NOL9: variants seen among roughly 807,000 people sequenced by gnomAD.
NOL9 encodes nucleolar protein 9.
A neutral mutation model predicts 67.9 loss-of-function variants in NOL9; 28 were observed. The ratio of observed to expected loss-of-function variants is 0.41; its 90% confidence interval spans 0.31 to 0.57. The LOEUF (loss-of-function observed/expected upper bound fraction) is 0.57. Ranked by LOEUF, NOL9 falls within the 20% of genes least tolerant of loss-of-function variation. The pLI is 0.25. For missense variants in NOL9, 777 were observed against 897.0 expected (o/e 0.87, Z 1.71); for synonymous variants, 356 against 352.2 (o/e 1.01, Z -0.12).
chr1:6,537,160 A>G (rs1639173831), intron 6 of NOL9, among the ~76,000 whole-genome samples: 1 of 152,172 alleles, frequency 6.6e-6, no homozygotes, highest in African/African-American at 2.4e-5. Context: ...ACAGTCTTCA[A>G]TAAATAAGGC....
In NOL9 at chr1:6,532,695, G is replaced by T. The variant is rs201104106; in HGVS notation, c.1303C>A (p.Arg435Ser). The change falls in exon 8 of 12, where the codon CGC (arginine) becomes AGC (serine). Residue 435 changes from arginine to serine, a missense_variant. By Grantham distance (110) the Arg-to-Ser change is moderately radical. Transcript: ENST00000377705. ...GGCATATATTTACTGTGGTCAGAGC[G>T]GAACTGAACCACGTGGCTGGGAGAC... The part of the protein sequence containing the change: ...LLSPSHVVQF[R>S]SDHSKYMPDL... 2.5e-6 allele frequency: 4 copies of T among 1,614,134 alleles called. No individual in the cohort carries two copies. The highest frequency in any genetic ancestry group is 3.4e-6 in the Non-Finnish European group (4 of 1,180,000).
At position 6,541,881 on chromosome 1, in the gene NOL9, A is replaced by C; in HGVS notation, c.1024T>G (p.Phe342Val). ...YLECDLGQTEFTPPGCISLLN... is the reference protein window; with the variant it reads ...YLECDLGQTEVTPPGCISLLN... ...AAAGAAATGCAACCAGGAGGGGTAA[A>C]TTCTGTCTGTCCCAGATCACATTCC... Residue 342 changes from phenylalanine (F) to valine (V), a missense_variant, in exon 6 of 12, where the codon TTT becomes GTT. Coordinates refer to ENST00000377705, the MANE Select transcript of NOL9 (RefSeq NM_024654.5). 6.2e-7 allele frequency: 1 copy of C among 1,609,604 alleles called. No individual in the cohort carries two copies. Among genetic ancestry groups the C allele is most frequent in the South Asian group, 1.1e-5 (1 of 89,812 alleles).
At chr1:6,553,917 G>C (rs549276043) in intron 1 of NOL9, among the ~76,000 whole-genome samples, 190 bp downstream of exon 1, 77 of 152,276 alleles carry the variant, frequency 5.1e-4, no homozygotes, top group African/African-American at 1.8e-3. Flanking sequence ...CCCCTTAGCA[G>C]GGTACCTGTT....
rs745965923 is a variant in NOL9 at position 6,554,380 on chromosome 1, G to A, written c.123C>T (p.Arg41=). The A allele has an allele frequency of 6.7e-7, 1 of 1,484,044 alleles. No homozygotes were observed. The highest frequency in any genetic ancestry group is 2.7e-5 in the Admixed American group (1 of 36,952). 91.9% of individuals were successfully genotyped at this position (1,484,044 alleles called of 1,614,324 possible). The change falls in exon 1 of 12, where the codon CGC becomes CGT. Residue 41 remains arginine, a synonymous_variant. Transcript: ENST00000377705. ...RRPRRRLGSL[R]WCGRRRLRWR... ...ACCGTAGGCGCCGCCGACCGCACCA[G>A]CGCAGGCTCCCGAGCCGGCGGCGGG...
At chr1:6,526,648 TG>T (rs1638890660) in intron 11 of NOL9, 47 bp downstream of exon 11, 1 of 1,551,040 alleles carries the variant, frequency 6.4e-7, no homozygotes. Context: ...CTCACTTCTG[TG>T]GACCTGAGTA....
intron 9 of NOL9, 30 bp downstream of exon 9, chr1:6,531,938 A>C (rs752664225): frequency 9.0e-6 from 14 of 1,558,094 alleles, no homozygotes; most frequent in Non-Finnish European, 1.2e-5. Context: ...TAACAAAATG[A>C]AGACAATTTC....
Position 6,529,139 on chromosome 1 carries a change from G to A in NOL9, c.1680C>T (p.Thr560=). The A allele has an allele frequency of 6.2e-7, 1 of 1,613,926 alleles. No individual in the cohort carries two copies. The highest frequency in any genetic ancestry group is 8.5e-7 in the Non-Finnish European group (1 of 1,179,902). The change falls in exon 10 of 12, where the codon ACC becomes ACT. Residue 560 remains threonine, a synonymous_variant. Transcript: ENST00000377705. ...TATGGGTAGGGGCGACATCAGAGTGGGTAATCCGGAGTGCGACTGCATTGA... is the reference window on the plus strand; with the variant it reads ...TATGGGTAGGGGCGACATCAGAGTGAGTAATCCGGAGTGCGACTGCATTGA... ...VPFNAVALRI[T]HSDVAPTHIL...
chr1:6,554,295 A>G lies in NOL9; in HGVS notation c.208T>C (p.Ser70Pro). Residue 70 changes from serine (S) to proline (P), a missense_variant, in exon 1 of 12, where the codon TCG (serine) becomes CCG (proline). Transcript: ENST00000377705. Reference sequence around the variant, plus strand: ...GGTCTCCGGGCCGCCGCCGCGCGCGACACCTGGCGGGCTCCCTCCCTCCAG... The same window carrying G: ...GGTCTCCGGGCCGCCGCCGCGCGCGGCACCTGGCGGGCTCCCTCCCTCCAG... ...VDWREGARQV[S>P]RAAAARRPNT... 1 of 1,475,034 alleles carries G rather than the reference A, an allele frequency of 6.8e-7. No homozygotes were observed. The highest frequency in any genetic ancestry group is 9.0e-7 in the Non-Finnish European group (1 of 1,115,804). 91.4% of individuals were successfully genotyped at this position (1,475,034 alleles called of 1,614,324 possible).
chr1:6,538,730 C>T (rs988902469), intron 6 of NOL9, among the ~76,000 whole-genome samples: 3 of 151,028 alleles, frequency 2.0e-5, no homozygotes, highest in African/African-American at 7.3e-5. Flanking sequence ...TGCCTGTAAT[C>T]CCAGCATTTT....
In NOL9 at chr1:6,525,202, T is replaced by A. The variant is rs1215819870; in HGVS notation, c.*652A>T. 2.0e-5 allele frequency: 3 copies of A among 152,266 alleles called. No individual in the cohort carries two copies. The highest frequency in any genetic ancestry group is 7.2e-5 in the African/African-American group (3 of 41,412). 9.4% of individuals were successfully genotyped at this position (152,266 alleles called of 1,614,324 possible). ...ACTCTGTCGCTCAGGCTGGAGTAGT[T>A]GGTGTACTCCAGCCTGGAACTCCGA... On this transcript the variant is annotated 3_prime_UTR_variant, in exon 12 of 12. Transcript: ENST00000377705.
At chr1:6,530,059 G>C (rs184279670) in intron 9 of NOL9, among the ~76,000 whole-genome samples, 7 of 152,244 alleles carry the variant, frequency 4.6e-5, no homozygotes, top group African/African-American at 1.7e-4. Context: ...CCACAAAGTG[G>C]AGATTACAGT....
chr1:6,538,007 A>G (rs1177107383), intron 6 of NOL9, among the ~76,000 whole-genome samples: 1 of 150,716 alleles, frequency 6.6e-6, no homozygotes, highest in African/African-American at 2.4e-5. Context: ...AAAAAAAAAA[A>G]AAAAAAAAGA....
intron 3 of NOL9, among the ~76,000 whole-genome samples, chr1:6,546,868 C>T (rs1639431880): frequency 6.6e-6 from 1 of 152,204 alleles, no homozygotes; most frequent in Non-Finnish European, 1.5e-5. Context: ...AAATACTTTA[C>T]TACTAAGCCT....
intron 6 of NOL9, among the ~76,000 whole-genome samples, chr1:6,538,363 C>T (rs1639201936): frequency 6.6e-6 from 1 of 152,070 alleles, no homozygotes; most frequent in Non-Finnish European, 1.5e-5. Flanking sequence ...CAAAAAGTAA[C>T]AATCCAATTC....
At position 6,524,453 on chromosome 1, in the gene NOL9, G is replaced by A. The variant is rs1324743968; in HGVS notation, c.*1401C>T. 2 of 152,126 alleles carry A rather than the reference G, an allele frequency of 1.3e-5. No homozygotes were observed. The highest frequency in any genetic ancestry group is 4.8e-5 in the African/African-American group (2 of 41,412). The allele number at this position is 152,126 out of a possible 1,614,324, so 9.4% of individuals were successfully genotyped here. ...TACACAAACCACTTCCAACCTAGAGGACAGAGTCGGAAGCACCAGGGAGAA... is the reference window on the plus strand; with the variant it reads ...TACACAAACCACTTCCAACCTAGAGAACAGAGTCGGAAGCACCAGGGAGAA... On this transcript the variant is annotated 3_prime_UTR_variant, in exon 12 of 12. Coordinates refer to ENST00000377705, the MANE Select transcript of NOL9 (RefSeq NM_024654.5).
chr1:6,534,963 C>G (rs529479155), intron 6 of NOL9, among the ~76,000 whole-genome samples: 2 of 152,238 alleles, frequency 1.3e-5, no homozygotes, highest in Non-Finnish European at 2.9e-5. Flanking sequence ...GCCACCACAC[C>G]TGGCTAATTT....
Position 6,529,273 on chromosome 1 carries a change from A to G in NOL9, c.1648-102T>C. 3 of 1,041,102 alleles carry G rather than the reference A, an allele frequency of 2.9e-6. No homozygotes were observed. In the South Asian group the frequency reaches 4.6e-5, roughly 16 times the overall value. 64.5% of individuals were successfully genotyped at this position (1,041,102 alleles called of 1,614,324 possible). On this transcript the variant is annotated intron_variant, in intron 9 of 11. Transcript: ENST00000377705. Reference sequence around the variant, plus strand: ...AGCTATCTAAAGATAGGTCTGCCAAAGTGCCTACTCAAAAGTATCTCTAAA... The same window carrying G: ...AGCTATCTAAAGATAGGTCTGCCAAGGTGCCTACTCAAAAGTATCTCTAAA...
At position 6,533,924 on chromosome 1, in the gene NOL9, G is replaced by C. The variant is rs905460422; in HGVS notation, c.1076-483C>G. On this transcript the variant is annotated intron_variant, in intron 6 of 11. Coordinates refer to ENST00000377705, the MANE Select transcript of NOL9 (RefSeq NM_024654.5). ...TTTTTTTAGACAGAGTTTCACTCTT[G>C]TTGCCCAGGCTGGACTGCAATGGTG... Among the ~76,000 whole-genome samples the C allele has an allele frequency of 5.6e-5, 8 of 143,954 alleles. No homozygotes were observed. In the Admixed American group the frequency reaches 5.7e-4, roughly 10 times the overall value. The allele number at this position is 143,954 out of a possible 152,430, so 94.4% of individuals were successfully genotyped here.
At chr1:6,543,512 T>G (rs538494119) in intron 5 of NOL9, among the ~76,000 whole-genome samples, 2 of 152,216 alleles carry the variant, frequency 1.3e-5, no homozygotes, top group South Asian at 4.1e-4. Flanking sequence ...ATTTATTTAT[T>G]TATTTAGAGA....
Sources: allele counts gnomAD v4.1 joint callset (sites outside exome capture counted in the v4.1 genomes callset), GRCh38; gene constraint gnomAD v4.1.1; transcripts MANE v1.5; gene names NCBI Gene and HGNC (gene_info 2026-07-23, HGNC 2026-07-21).